The following GALNT18 variants were observed in gnomAD, a reference collection of about 807,000 sequenced individuals.
GALNT18 encodes GalNAc-transferase 18.
Under a neutral mutation model 69.5 loss-of-function variants are expected in GALNT18, and 44 were observed. The observed-to-expected ratio is 0.63, with a 90% CI of 0.50 to 0.81. The LOEUF is 0.81. Among genes scored for constraint, GALNT18 ranks in the 40% least tolerant of loss-of-function variants. The pLI is 0.00. For missense variants in GALNT18, 715 were observed against 810.0 expected (o/e 0.88, Z 1.42); for synonymous variants, 364 against 318.2 (o/e 1.14, Z -1.53).
intron 1 of GALNT18, among the ~76,000 whole-genome samples, chr11:11,479,310 G>A (rs4243931): frequency 0.67 from 102,150 of 152,026 alleles, 35,849 homozygotes; most frequent in Admixed American, 0.77. Context: ...ACTGTCTACC[G>A]TTTTAACCCA....
chr11:11,352,350 T>C (rs1444425024), intron 6 of GALNT18: 2 of 1,614,124 alleles, frequency 1.2e-6, no homozygotes, highest in South Asian at 2.2e-5. Context: ...TTTGTCAATA[T>C]AGCCATATAA....
intron 1 of GALNT18, among the ~76,000 whole-genome samples, chr11:11,539,111 C>A (rs1857850488): frequency 6.6e-6 from 1 of 152,218 alleles, no homozygotes; most frequent in South Asian, 2.1e-4. Context: ...GAATGGTGCA[C>A]CTGCTTTGTG....
intron 10 of GALNT18, among the ~76,000 whole-genome samples, chr11:11,290,112 C>T (rs1199331806): frequency 6.6e-6 from 1 of 152,254 alleles, no homozygotes; most frequent in East Asian, 1.9e-4. Context: ...AAGCAGTACT[C>T]TTGTCGATTG....
chr11:11,422,326 G>C (rs966679259), intron 3 of GALNT18, among the ~76,000 whole-genome samples: 2 of 152,242 alleles, frequency 1.3e-5, no homozygotes, highest in Non-Finnish European at 2.9e-5. Context: ...GCAGCAAGGA[G>C]CAACAATAGG....
rs925779967 is a variant in GALNT18 at position 11,413,286 on chromosome 11, C to A, written c.595+19335G>T. ...CATGCCTGAGGACCCCGGTGGGAAG[C>A]TCTTCTGCACTGAGTGGCCCTGGAG... On this transcript the variant is annotated intron_variant, in intron 3 of 10. Coordinates refer to ENST00000227756, the MANE Select transcript of GALNT18 (RefSeq NM_198516.3). This position sits in a 1 kb window ranked among gnomAD's most constrained non-coding sequence, Gnocchi z 4.7. Among the ~76,000 whole-genome samples the A allele has an allele frequency of 2.0e-5, 3 of 152,266 alleles. No homozygotes were observed. In the East Asian group the frequency reaches 5.8e-4, roughly 29 times the overall value.
Position 11,372,649 on chromosome 11 carries a change from C to T in GALNT18, c.978-20G>A, listed in dbSNP as rs764570692. The stretch of plus-strand genomic sequence containing the variant: ...GGGCTCCTGCAGGGGCAGGGGAGAG[C>T]AGAAGGGCTGTCTGGTGCAGCTGTC... On this transcript the variant is annotated intron_variant, in intron 5 of 10. Coordinates refer to ENST00000227756, the MANE Select transcript of GALNT18 (RefSeq NM_198516.3). The surrounding 1 kb of genome is among the most constrained non-coding windows in gnomAD (Gnocchi z 4.9). 1 of 1,593,754 alleles carries T rather than the reference C, an allele frequency of 6.3e-7. No individual in the cohort carries two copies. The highest frequency in any genetic ancestry group is 8.6e-7 in the Non-Finnish European group (1 of 1,162,422).
Position 11,541,638 on chromosome 11 carries a change from T to C in GALNT18, c.235+79721A>G, listed in dbSNP as rs1287561207. Among the ~76,000 whole-genome samples the C allele has an allele frequency of 6.6e-6, 1 of 152,120 alleles. No homozygotes were observed. On this transcript the variant is annotated intron_variant, in intron 1 of 10. Coordinates refer to ENST00000227756, the MANE Select transcript of GALNT18 (RefSeq NM_198516.3). This position sits in a 1 kb window ranked among gnomAD's most constrained non-coding sequence, Gnocchi z 4.8. ...AATGCATCTCTGCCTTCAGATCTGA[T>C]ATCCAAGGCTCCCTCTCAAGGGCCT...
chr11:11,431,894 G>C (rs770207544), intron 3 of GALNT18, among the ~76,000 whole-genome samples: 1 of 152,186 alleles, frequency 6.6e-6, no homozygotes, highest in Non-Finnish European at 1.5e-5. Context: ...TTTTTCAGCT[G>C]TCTCAAAATG....
intron 1 of GALNT18, among the ~76,000 whole-genome samples, chr11:11,608,380 G>C (rs1859804834): frequency 6.6e-6 from 1 of 151,694 alleles, no homozygotes; most frequent in African/African-American, 2.4e-5. Flanking sequence ...TTTTTTTTGA[G>C]ACAGAGTCTT....
chr11:11,315,982 T>C lies in GALNT18; in HGVS notation c.1512+11104A>G, dbSNP rs10741543. Among the ~76,000 whole-genome samples, 65,672 of 151,898 alleles carry C rather than the reference T, an allele frequency of 0.43. 14,734 individuals carry two copies. The highest frequency in any genetic ancestry group is 0.57 in the South Asian group (2,745 of 4,800). On this transcript the variant is annotated intron_variant, in intron 9 of 10. Transcript: ENST00000227756. This position sits in a 1 kb window ranked among gnomAD's most constrained non-coding sequence, Gnocchi z 5.6. Reference sequence around the variant, plus strand: ...CATCACTCTGTACTGACATGAATGGTGGCCCCTGGAACCGTGCGAGGTGAC... The same window carrying C: ...CATCACTCTGTACTGACATGAATGGCGGCCCCTGGAACCGTGCGAGGTGAC...
chr11:11,524,218 C>T (rs940927850), intron 1 of GALNT18, among the ~76,000 whole-genome samples: 1 of 152,136 alleles, frequency 6.6e-6, no homozygotes, highest in Non-Finnish European at 1.5e-5. Context: ...GGCTCAGATG[C>T]TAGGTGGCCC....
At chr11:11,361,388 G>A (rs986114596) in intron 6 of GALNT18, among the ~76,000 whole-genome samples, 1 of 152,188 alleles carries the variant, frequency 6.6e-6, no homozygotes. Flanking sequence ...GGAGATAGTA[G>A]TAGTACCTAC....
At chr11:11,554,503 G>C (rs1306925091) in intron 1 of GALNT18, among the ~76,000 whole-genome samples, 1 of 152,068 alleles carries the variant, frequency 6.6e-6, no homozygotes, top group Non-Finnish European at 1.5e-5. Context: ...GGAGGGATGG[G>C]GAGCTAAACT....
chr11:11,287,379 A>C (rs1849213570), intron 10 of GALNT18, among the ~76,000 whole-genome samples: 1 of 152,146 alleles, frequency 6.6e-6, no homozygotes, highest in Non-Finnish European at 1.5e-5. Context: ...AAACCATTCA[A>C]AGGAATGATG....
rs1427964913 is a variant in GALNT18 at position 11,469,903 on chromosome 11, C to T, written c.236-20967G>A. Reference sequence around the variant, plus strand: ...ATATTTAAGGACATAGTCATTCCATCAGGCCCCCAGAACAGGGTCCCTAGT... The same window carrying T: ...ATATTTAAGGACATAGTCATTCCATTAGGCCCCCAGAACAGGGTCCCTAGT... On this transcript the variant is annotated intron_variant, in intron 1 of 10. Transcript: ENST00000227756. The surrounding 1 kb of genome is among the most constrained non-coding windows in gnomAD (Gnocchi z 4.2). Among the ~76,000 whole-genome samples, 1 of 152,206 alleles carries T rather than the reference C, an allele frequency of 6.6e-6. No individual in the cohort carries two copies. The highest frequency in any genetic ancestry group is 1.5e-5 in the Non-Finnish European group (1 of 68,040).
At chr11:11,280,424 A>AC (rs1239721531) in intron 10 of GALNT18, among the ~76,000 whole-genome samples, 1 of 150,956 alleles carries the variant, frequency 6.6e-6, no homozygotes, top group East Asian at 2.0e-4. Context: ...GAAGGATCTC[A>AC]CCCCCTCCCA....
chr11:11,292,773 A>AAAAC (rs1436326943), intron 10 of GALNT18, among the ~76,000 whole-genome samples: 1 of 151,436 alleles, frequency 6.6e-6, no homozygotes, highest in Non-Finnish European at 1.5e-5. Context: ...TCATTATAAT[A>AAAAC]AAACAACAAC....
Position 11,545,890 on chromosome 11 carries a change from T to C in GALNT18, c.235+75469A>G, listed in dbSNP as rs1420684881. Among the ~76,000 whole-genome samples, 4 of 152,268 alleles carry C rather than the reference T, an allele frequency of 2.6e-5. No homozygotes were observed. In the East Asian group the frequency reaches 7.8e-4, roughly 30 times the overall value. ...TGTGGTCATTTGGCCTGCATCAAAA[T>C]GACAAACACTTCTGTGCAGAGCATC... On this transcript the variant is annotated intron_variant, in intron 1 of 10. Coordinates refer to ENST00000227756, the MANE Select transcript of GALNT18 (RefSeq NM_198516.3).
At chr11:11,303,651 C>A (rs186799070) in intron 9 of GALNT18, among the ~76,000 whole-genome samples, 1 of 152,190 alleles carries the variant, frequency 6.6e-6, no homozygotes, top group Admixed American at 6.5e-5. Context: ...TGCTCCTGAG[C>A]CTTCTGGGGA....
Sources: allele counts gnomAD v4.1 joint callset (sites outside exome capture counted in the v4.1 genomes callset), GRCh38; gene constraint gnomAD v4.1.1; non-coding constraint Gnocchi (gnomAD v3.1); transcripts MANE v1.5; gene names NCBI Gene and HGNC (gene_info 2026-07-23, HGNC 2026-07-21).